Variants in UPP1 observed in about 807,000 individuals in gnomAD.
UPP1 encodes uridine phosphorylase 1, also known as UPase 1.
In UPP1, 25 loss-of-function variants were observed where a neutral mutation model predicts 29.6. The ratio of observed to expected loss-of-function variants is 0.85; its 90% confidence interval spans 0.62 to 1.18. The LOEUF is 1.18. Ranked by LOEUF, UPP1 falls within the 50% of genes most tolerant of loss-of-function variation. UPP1 has a pLI of 0.00. For synonymous variants in UPP1, 165 were observed against 159.8 expected (o/e 1.03, Z -0.25); for missense variants, 368 against 410.4 (o/e 0.90, Z 0.89).
intron 3 of UPP1, among the ~76,000 whole-genome samples, chr7:48,098,447 T>C (rs1038998656): frequency 2.6e-5 from 4 of 152,192 alleles, no homozygotes; most frequent in South Asian, 2.1e-4. Flanking sequence ...TTCAGAGATA[T>C]ATAAGACGTG....
intron 3 of UPP1, among the ~76,000 whole-genome samples, chr7:48,097,568 A>G (rs1256284223): frequency 4.6e-5 from 7 of 152,210 alleles, no homozygotes; most frequent in African/African-American, 1.7e-4. Context: ...GCCTGTCTTC[A>G]CGGTTACACC....
Position 48,107,087 on chromosome 7 carries a change from G to A in UPP1, c.646+5G>A. 1 of 1,611,104 alleles carries A rather than the reference G, an allele frequency of 6.2e-7. No individual in the cohort carries two copies. Among genetic ancestry groups the A allele is most frequent in the Non-Finnish European group, 8.5e-7 (1 of 1,179,222 alleles). On this transcript the variant is annotated splice_donor_5th_base_variant and intron_variant, in intron 7 of 8. Coordinates refer to ENST00000395564, the MANE Select transcript of UPP1 (RefSeq NM_003364.4). ...GCACCTTGGACTTCTATGAAGGTGA[G>A]GCAGCGGATACGAGGAGGCATCTTT...
chr7:48,095,588 C>G (rs924299670), intron 3 of UPP1, among the ~76,000 whole-genome samples: 4 of 152,178 alleles, frequency 2.6e-5, no homozygotes, highest in African/African-American at 7.2e-5. Flanking sequence ...CTCCTCCATT[C>G]CCCAGAAGTC....
At chr7:48,105,671 T>A (rs1308197658) in intron 6 of UPP1, 2 of 152,426 alleles carry the variant, frequency 1.3e-5, no homozygotes, top group East Asian at 3.9e-4. Flanking sequence ...TGGTGTCTGG[T>A]GAGGGCTAAC....
At chr7:48,094,987 G>A (rs551981190) in intron 3 of UPP1, among the ~76,000 whole-genome samples, 160 bp downstream of exon 3, 1 of 152,164 alleles carries the variant, frequency 6.6e-6, no homozygotes, top group Non-Finnish European at 1.5e-5. Flanking sequence ...CAGGAGGTTC[G>A]TACATTAGAT....
At chr7:48,094,913 C>G (rs1583857524) in intron 3 of UPP1, 86 bp downstream of exon 3, 2 of 1,458,608 alleles carry the variant, frequency 1.4e-6, no homozygotes, top group East Asian at 4.7e-5. Flanking sequence ...TTTCTAAGGA[C>G]TTGACATATA....
rs1386593300 is a variant in UPP1 at position 48,090,242 on chromosome 7, C to G, written c.-144C>G. The G allele has an allele frequency of 6.6e-6, 1 of 152,206 alleles. No individual in the cohort carries two copies. The highest frequency in any genetic ancestry group is 1.9e-4 in the East Asian group (1 of 5,186). 9.4% of individuals were successfully genotyped at this position (152,206 alleles called of 1,614,324 possible). On this transcript the variant is annotated 5_prime_UTR_variant, in exon 2 of 9. Transcript: ENST00000395564. ...CGTCGACACGTCTCGTCTCCTGTCC[C>G]AATTCAGGGCTTGGTGAGGTGACTC... is the stretch of plus-strand genomic sequence containing the variant.
intron 1 of UPP1, 42 bp downstream of exon 1, chr7:48,089,460 A>C (rs1303780668): frequency 6.6e-6 from 1 of 152,240 alleles, no homozygotes; most frequent in Non-Finnish European, 1.5e-5. Context: ...CTCTCTTCCC[A>C]GGGGTCTAGC....
At chr7:48,092,938 A>G (rs1201281389) in intron 2 of UPP1, among the ~76,000 whole-genome samples, 3 of 152,090 alleles carry the variant, frequency 2.0e-5, no homozygotes, top group African/African-American at 7.2e-5. Context: ...TCCTGACCTC[A>G]AGTGATCTGG....
At chr7:48,090,899 C>G (rs567949021) in intron 2 of UPP1, among the ~76,000 whole-genome samples, 1 of 152,212 alleles carries the variant, frequency 6.6e-6, no homozygotes, top group Non-Finnish European at 1.5e-5. Flanking sequence ...CCAATACTTT[C>G]AGCACTGGTG....
chr7:48,093,899 C>A (rs1791982781), intron 2 of UPP1, among the ~76,000 whole-genome samples: 1 of 152,194 alleles, frequency 6.6e-6, no homozygotes, highest in Admixed American at 6.5e-5. Context: ...GTGGCTCACA[C>A]CTGTAATCCC....
At chr7:48,104,821 G>T (rs776631619) in intron 6 of UPP1, 1 of 152,222 alleles carries the variant, frequency 6.6e-6, no homozygotes, top group East Asian at 1.9e-4. Context: ...GCTGGCCTCT[G>T]CCAGGAACTC....
intron 3 of UPP1, among the ~76,000 whole-genome samples, chr7:48,097,851 G>T (rs1792204781): frequency 6.9e-6 from 1 of 145,354 alleles, no homozygotes; most frequent in Non-Finnish European, 1.5e-5. Context: ...GATCAAAAAG[G>T]TTTTCTGAGA....
At chr7:48,105,148 A>C (rs112054912) in intron 6 of UPP1, 2,192 of 152,744 alleles carry the variant, frequency 0.014, 24 homozygotes, top group East Asian at 0.059. Context: ...AGGAAGGTGC[A>C]GGGGGACATG....
intron 3 of UPP1, among the ~76,000 whole-genome samples, chr7:48,097,583 T>G (rs185246939): frequency 6.6e-6 from 1 of 152,316 alleles, no homozygotes; most frequent in East Asian, 1.9e-4. Flanking sequence ...TACACCCTAC[T>G]TCCTTCTTCT....
chr7:48,099,157 C>T (rs527699332), intron 3 of UPP1, among the ~76,000 whole-genome samples: 10 of 152,112 alleles, frequency 6.6e-5, no homozygotes, highest in Non-Finnish European at 1.3e-4. Context: ...TATTGGATAT[C>T]GTGCTGGAGA....
chr7:48,107,158 T>C (rs2128818329), intron 7 of UPP1, 76 bp downstream of exon 7: 1 of 1,546,126 alleles, frequency 6.5e-7, no homozygotes, highest in Non-Finnish European at 8.9e-7. Context: ...CTTCTCGCTG[T>C]GGACTGGCGT....
intron 3 of UPP1, among the ~76,000 whole-genome samples, chr7:48,095,574 TCTC>T (rs1401911216): frequency 2.6e-5 from 4 of 152,222 alleles, no homozygotes; most frequent in African/African-American, 4.8e-5. Flanking sequence ...ACAATGCTCT[TCTC>T]CTCCTCCATT....
chr7:48,096,966 C>T (rs933834710), intron 3 of UPP1, among the ~76,000 whole-genome samples: 1 of 152,106 alleles, frequency 6.6e-6, no homozygotes, highest in African/African-American at 2.4e-5. Context: ...TCCCAAATTG[C>T]TGGGATTACA....
Sources: gnomAD v4.1 joint callset for allele counts (sites outside exome capture counted in the v4.1 genomes callset) on GRCh38, gnomAD v4.1.1 for gene constraint, MANE v1.5 for transcripts, NCBI Gene and HGNC (gene_info 2026-07-23, HGNC 2026-07-21) for gene names.